The following BAZ1B variants were observed in gnomAD, a reference collection of about 807,000 sequenced individuals.
The protein encoded by BAZ1B is bromodomain adjacent to zinc finger domain 1B, also known as tyrosine-protein kinase BAZ1B.
A neutral mutation model predicts 153.8 loss-of-function variants in BAZ1B; 22 were observed. The observed-to-expected ratio is 0.14, with a 90% CI of 0.10 to 0.20. The LOEUF is 0.20. BAZ1B is among the 10% of genes least tolerant of loss of function. BAZ1B has a pLI of 1.00. For synonymous variants in BAZ1B, 676 were observed against 633.4 expected (o/e 1.07, Z -1.01); for missense variants, 1,325 against 1,799.3 (o/e 0.74, Z 4.77).
At chr7:73,521,528 G>A (rs1186779835) in intron 1 of BAZ1B, among the ~76,000 whole-genome samples, 1 of 152,146 alleles carries the variant, frequency 6.6e-6, no homozygotes, top group African/African-American at 2.4e-5. Context: ...CCAACCCGGG[G>A]AAGGTAATGG....
In BAZ1B at chr7:73,463,004, C is replaced by G; in HGVS notation, c.3167G>C (p.Arg1056Pro). ...DGNQELLNFL[R>P]SDLIEVATRL... ...TGTTGCAACTTCAATGAGATCACTA[C>G]GAAGGAAGTTTAAAAGCTCCTGGTT... The change falls in exon 12 of 20, where the codon CGT becomes CCT. Residue 1056 changes from arginine to proline, a missense_variant. By Grantham distance (103) the Arg-to-Pro change is moderately radical (BLOSUM62 -2). This residue lies in a region of BAZ1B where 431 missense variants were observed against 563.5 expected (regional missense o/e 0.76). Coordinates refer to ENST00000339594, the MANE Select transcript of BAZ1B (RefSeq NM_032408.4). The G allele has an allele frequency of 1.2e-6, 2 of 1,613,898 alleles. No individual in the cohort carries two copies. Among genetic ancestry groups the G allele is most frequent in the Non-Finnish European group, 1.7e-6 (2 of 1,179,932 alleles).
intron 3 of BAZ1B, among the ~76,000 whole-genome samples, chr7:73,503,525 C>G (rs1790218995): frequency 6.6e-6 from 1 of 151,814 alleles, no homozygotes; most frequent in South Asian, 2.1e-4. Context: ...AGAAATGCAC[C>G]ACCATGCACG....
chr7:73,474,296 C>T (rs540645326), intron 7 of BAZ1B, among the ~76,000 whole-genome samples: 1 of 152,168 alleles, frequency 6.6e-6, no homozygotes, highest in Non-Finnish European at 1.5e-5. Context: ...AATAAAAGAC[C>T]TAAATTTCAG....
chr7:73,474,512 C>T (rs1405672510), intron 7 of BAZ1B, among the ~76,000 whole-genome samples: 1 of 152,210 alleles, frequency 6.6e-6, no homozygotes, highest in Non-Finnish European at 1.5e-5. Context: ...CAGTGGCTCA[C>T]AGCTGTAATC....
rs868973553 is a variant in BAZ1B, at chr7:73,461,734, T to A, written c.3249+1188A>T. Among the ~76,000 whole-genome samples the A allele has an allele frequency of 5.3e-5, 8 of 152,136 alleles. No homozygotes were observed. The South Asian group carries it at 8.3e-4, about 16-fold the overall frequency. On this transcript the variant is annotated intron_variant, in intron 12 of 19. Coordinates refer to ENST00000339594, the MANE Select transcript of BAZ1B (RefSeq NM_032408.4). ...AAAATAGTTGAAAAGTACTTATAAA[T>A]TAGGAAAAATGGCATGGGGGAATGC...
intron 1 of BAZ1B, among the ~76,000 whole-genome samples, chr7:73,514,231 CA>C (rs1287708083): frequency 2.6e-5 from 4 of 151,630 alleles, no homozygotes; most frequent in Non-Finnish European, 4.4e-5. Flanking sequence ...AAAAACAAAA[CA>C]AAAAAAAGTA....
At chr7:73,499,640 T>TGG (rs1283135211) in intron 3 of BAZ1B, among the ~76,000 whole-genome samples, 6 of 152,224 alleles carry the variant, frequency 3.9e-5, no homozygotes, top group African/African-American at 1.4e-4. Flanking sequence ...TTTTTGAGGC[T>TGG]GCAGTAAGCT....
intron 15 of BAZ1B, among the ~76,000 whole-genome samples, chr7:73,447,803 T>A (rs1264327027): frequency 1.3e-5 from 2 of 152,186 alleles, no homozygotes; most frequent in African/African-American, 2.4e-5. Flanking sequence ...AGGTGTGACT[T>A]CACCTTGATG....
At chr7:73,520,556 C>T (rs1335432677) in intron 1 of BAZ1B, among the ~76,000 whole-genome samples, 1 of 152,132 alleles carries the variant, frequency 6.6e-6, no homozygotes, top group Non-Finnish European at 1.5e-5. Flanking sequence ...AGGACCCGAC[C>T]ACCTCCAAGA....
chr7:73,473,041 A>C (rs1583909737), intron 7 of BAZ1B, among the ~76,000 whole-genome samples: 3 of 151,972 alleles, frequency 2.0e-5, no homozygotes. Context: ...TCCCTGGTTC[A>C]AGCAATTCTC....
At chr7:73,480,830 T>C (rs1485642155) in intron 6 of BAZ1B, among the ~76,000 whole-genome samples, 1 of 152,164 alleles carries the variant, frequency 6.6e-6, no homozygotes, top group East Asian at 1.9e-4. Flanking sequence ...GTGAGATAAA[T>C]CCCAGGGATC....
In BAZ1B at chr7:73,478,344, T is replaced by C. The variant is rs1789072126; in HGVS notation, c.1117A>G (p.Met373Val). ...TTAGTGTGCAGCTTATTGGGCGACA[T>C]CATCTTCATCATTTCTTCTAGATGT... is the stretch of plus-strand genomic sequence containing the variant. Reference protein sequence around the residue: ...EEHLEEMMKMMSPNKLHTNFH... With the variant: ...EEHLEEMMKMVSPNKLHTNFH... Residue 373 changes from methionine to valine, a missense_variant, in exon 7 of 20, where the codon ATG becomes GTG. By Grantham distance (21) the Met-to-Val change is conservative (BLOSUM62 1). This residue lies in a region of BAZ1B where 219 missense variants were observed against 248.2 expected (regional missense o/e 0.88). Coordinates refer to ENST00000339594, the MANE Select transcript of BAZ1B (RefSeq NM_032408.4). 2 of 1,612,820 alleles carry C rather than the reference T, an allele frequency of 1.2e-6. No homozygotes were observed. The highest frequency in any genetic ancestry group is 2.2e-5 in the South Asian group (2 of 90,682).
At chr7:73,513,883 AACTC>A (rs1409322232) in intron 1 of BAZ1B, among the ~76,000 whole-genome samples, 1 of 152,158 alleles carries the variant, frequency 6.6e-6, no homozygotes, top group Non-Finnish European at 1.5e-5. Context: ...GAAAAAAAAA[AACTC>A]ACTGTGTCAT....
At chr7:73,506,130 T>C (rs948202466) in intron 3 of BAZ1B, among the ~76,000 whole-genome samples, 6 of 152,224 alleles carry the variant, frequency 3.9e-5, no homozygotes, top group African/African-American at 1.4e-4. Flanking sequence ...TGTTACAAGA[T>C]TATACAGGGA....
At chr7:73,456,385 A>G (rs1554569523) in intron 13 of BAZ1B, among the ~76,000 whole-genome samples, 1 of 152,226 alleles carries the variant, frequency 6.6e-6, no homozygotes, top group African/African-American at 2.4e-5. Context: ...GGAACTGGAG[A>G]ATATATTTGC....
intron 15 of BAZ1B, among the ~76,000 whole-genome samples, chr7:73,448,276 C>A (rs1787911270): frequency 6.6e-6 from 1 of 152,158 alleles, no homozygotes; most frequent in African/African-American, 2.4e-5. Flanking sequence ...CGTACTCCAG[C>A]CTGGGCAACA....
At chr7:73,493,714 T>C (rs951978299) in intron 4 of BAZ1B, among the ~76,000 whole-genome samples, 2 of 151,454 alleles carry the variant, frequency 1.3e-5, no homozygotes, top group Non-Finnish European at 2.9e-5. Flanking sequence ...TGGTGGCACA[T>C]GCCTGTAGTC....
Position 73,498,638 on chromosome 7 carries a change from C to G in BAZ1B, c.430G>C (p.Asp144His). 6.2e-7 allele frequency: 1 copy of G among 1,614,134 alleles called. No homozygotes were observed. The highest frequency in any genetic ancestry group is 1.1e-5 in the South Asian group (1 of 91,084). ...IVKIHPLEKV[D>H]EEATEKKSDG... ...GATTTCTTCTCAGTGGCCTCTTCAT[C>G]CACTTTCTCCAAAGGATGAATCTTC... The change falls in exon 4 of 20, where the codon GAT (aspartate) becomes CAT (histidine). Residue 144 changes from aspartate to histidine, a missense_variant. Transcript: ENST00000339594.
At chr7:73,492,262 A>G (rs954502046) in intron 5 of BAZ1B, among the ~76,000 whole-genome samples, 5 of 152,150 alleles carry the variant, frequency 3.3e-5, no homozygotes, top group Admixed American at 1.3e-4. Flanking sequence ...TCCCAGGTTC[A>G]TGCCATTCTC....
Sources: gnomAD v4.1 joint callset for allele counts (sites outside exome capture counted in the v4.1 genomes callset) on GRCh38, gnomAD v4.1.1 for gene constraint, gnomAD v4.1.1 regional missense constraint, MANE v1.5 for transcripts, NCBI Gene and HGNC (gene_info 2026-07-23, HGNC 2026-07-21) for gene names.